The following COL21A1 variants were observed in gnomAD, a reference collection of about 807,000 sequenced individuals.
COL21A1 encodes the protein collagen alpha-1(XXI) chain.
COL21A1 carries 149 observed loss-of-function variants against 137.9 expected under a neutral mutation model. That is an observed-to-expected ratio of 1.08 (90% CI 0.95 to 1.24). The LOEUF is 1.24. COL21A1 is among the 50% of genes most tolerant of loss of function. The pLI, the probability that COL21A1 is intolerant of heterozygous loss-of-function variation, is 0.00. For synonymous variants in COL21A1, 456 were observed against 391.5 expected (o/e 1.16, Z -1.95); for missense variants, 1,167 against 1,158.4 (o/e 1.01, Z -0.11).
intron 1 of COL21A1, among the ~76,000 whole-genome samples, chr6:56,387,728 C>A (rs2094020884): frequency 6.6e-6 from 1 of 152,198 alleles, no homozygotes; most frequent in South Asian, 2.1e-4. Flanking sequence ...ATGGAGGGAG[C>A]ATTTAGATAA....
At chr6:56,211,313 G>T (rs1197333913) in intron 1 of COL21A1, among the ~76,000 whole-genome samples, 4 of 150,950 alleles carry the variant, frequency 2.6e-5, no homozygotes, top group Admixed American at 6.6e-5. Context: ...CAAGGAATTT[G>T]TATTCTGAAT....
At chr6:56,261,204 A>T (rs1763264973) in intron 1 of COL21A1, among the ~76,000 whole-genome samples, 1 of 151,812 alleles carries the variant, frequency 6.6e-6, no homozygotes, top group Non-Finnish European at 1.5e-5. Context: ...ACTCACTAGC[A>T]CAGCCCTGAG....
At chr6:56,058,006 T>G (rs1188671326) in intron 29 of COL21A1, among the ~76,000 whole-genome samples, 162 bp from the exon 30 acceptor site, 1 of 152,166 alleles carries the variant, frequency 6.6e-6, no homozygotes, top group Non-Finnish European at 1.5e-5. Flanking sequence ...TCTACATGTC[T>G]TCTGCTTTGA....
intron 17 of COL21A1, among the ~76,000 whole-genome samples, chr6:56,096,048 T>C (rs1769293875): frequency 1.3e-5 from 2 of 152,150 alleles, no homozygotes; most frequent in Admixed American, 1.3e-4. Context: ...GATTTCACCA[T>C]GTTTGCCAGG....
At chr6:56,098,536 T>A (rs866341839) in intron 17 of COL21A1, among the ~76,000 whole-genome samples, 2 of 23,578 alleles carry the variant, frequency 8.5e-5, no homozygotes, top group African/African-American at 2.3e-4. Flanking sequence ...TAAATATATA[T>A]ATAAATATAT....
At position 56,207,884 on chromosome 6, in the gene COL21A1, G is replaced by A. The variant is rs375463144; in HGVS notation, c.-38-25228C>T. Among the ~76,000 whole-genome samples the A allele has an allele frequency of 1.8e-4, 28 of 152,118 alleles. No homozygotes were observed. In the East Asian group the frequency reaches 2.3e-3, roughly 13 times the overall value. ...GAGATGCAAGGCTGATTCAACATAC[G>A]CAAATCAATAAACATAATCCATCAC... On this transcript the variant is annotated intron_variant, in intron 1 of 29. Coordinates refer to ENST00000244728, the MANE Select transcript of COL21A1 (RefSeq NM_030820.4).
At chr6:56,094,705 G>C (rs770942304) in intron 17 of COL21A1, among the ~76,000 whole-genome samples, 4 of 152,146 alleles carry the variant, frequency 2.6e-5, no homozygotes, top group African/African-American at 4.8e-5. Context: ...GCAGAGATTT[G>C]TTGCAAAGTA....
intron 22 of COL21A1, among the ~76,000 whole-genome samples, chr6:56,068,149 CTG>C (rs1351037756): frequency 6.6e-6 from 1 of 151,612 alleles, no homozygotes; most frequent in African/African-American, 2.4e-5. Flanking sequence ...GGGGACACTT[CTG>C]TCTCAGCTAG....
At chr6:56,285,805 C>T (rs1347171933) in intron 1 of COL21A1, among the ~76,000 whole-genome samples, 1 of 150,048 alleles carries the variant, frequency 6.7e-6, no homozygotes, top group Non-Finnish European at 1.5e-5. Context: ...CCTCATTAGC[C>T]CACCATCTCA....
Position 56,096,637 on chromosome 6 carries a change from C to A in COL21A1, c.1812+4835G>T, listed in dbSNP as rs9475559. ...ATTTCCTAATAAATTATAGTGCTAGCCATTAATTTTAATTCTGGGAGTTAG... is the reference window on the plus strand; with the variant it reads ...ATTTCCTAATAAATTATAGTGCTAGACATTAATTTTAATTCTGGGAGTTAG... On this transcript the variant is annotated intron_variant, in intron 17 of 29. Coordinates refer to ENST00000244728, the MANE Select transcript of COL21A1 (RefSeq NM_030820.4). Among the ~76,000 whole-genome samples, 9 of 152,164 alleles carry A rather than the reference C, an allele frequency of 5.9e-5. No individual in the cohort carries two copies. The East Asian group carries it at 1.5e-3, about 26-fold the overall frequency.
intron 3 of COL21A1, among the ~76,000 whole-genome samples, chr6:56,175,190 C>T (rs1337520347): frequency 1.3e-5 from 2 of 152,032 alleles, no homozygotes; most frequent in African/African-American, 4.8e-5. Context: ...TAACATCACA[C>T]TCAATGATAA....
chr6:56,328,938 C>CAAT (rs1260731512), intron 1 of COL21A1, among the ~76,000 whole-genome samples: 1 of 152,030 alleles, frequency 6.6e-6, no homozygotes, highest in Non-Finnish European at 1.5e-5. Context: ...GTCATCTGGA[C>CAAT]AATTCCAAAG....
At chr6:56,129,939 A>AATATATATATT (rs1773384649) in intron 12 of COL21A1, among the ~76,000 whole-genome samples, 1 of 147,900 alleles carries the variant, frequency 6.8e-6, no homozygotes, top group African/African-American at 2.5e-5. Flanking sequence ...CTACCTTTTG[A>AATATATATATT]ATATATATAT....
At chr6:56,178,047 GT>G (rs1777628077) in intron 3 of COL21A1, among the ~76,000 whole-genome samples, 1 of 152,088 alleles carries the variant, frequency 6.6e-6, no homozygotes, top group Non-Finnish European at 1.5e-5. Context: ...TCTTTCATGT[GT>G]AGTTAGAATC....
At chr6:56,317,306 A>C (rs1156439485) in intron 1 of COL21A1, among the ~76,000 whole-genome samples, 1 of 152,180 alleles carries the variant, frequency 6.6e-6, no homozygotes, top group Admixed American at 6.6e-5. Flanking sequence ...CACTTACTAC[A>C]TGCCTGGCAC....
At chr6:56,123,634 C>T (rs1484708813) in intron 16 of COL21A1, among the ~76,000 whole-genome samples, 1 of 152,136 alleles carries the variant, frequency 6.6e-6, no homozygotes, top group African/African-American at 2.4e-5. Context: ...TGAGTTTTTT[C>T]ATAGACAATG....
At chr6:56,340,281 G>T (rs1308351048) in intron 1 of COL21A1, among the ~76,000 whole-genome samples, 1 of 152,080 alleles carries the variant, frequency 6.6e-6, no homozygotes, top group Non-Finnish European at 1.5e-5. Context: ...TCTCCTTGAG[G>T]ACTACAGAGA....
At chr6:56,376,446 GTTT>G (rs11395018) in intron 1 of COL21A1, among the ~76,000 whole-genome samples, 1 of 146,296 alleles carries the variant, frequency 6.8e-6, no homozygotes, top group Non-Finnish European at 1.5e-5. Context: ...GGTAAAGAAA[GTTT>G]TTTTTTTTTT....
intron 1 of COL21A1, among the ~76,000 whole-genome samples, chr6:56,283,761 C>T (rs1022810599): frequency 6.6e-6 from 1 of 151,956 alleles, no homozygotes; most frequent in Non-Finnish European, 1.5e-5. Flanking sequence ...TTAAATAAAC[C>T]TTGTGAAAGA....
Sources: gnomAD v4.1 joint callset for allele counts (sites outside exome capture counted in the v4.1 genomes callset) on GRCh38, gnomAD v4.1.1 for gene constraint, MANE v1.5 for transcripts, NCBI Gene and HGNC (gene_info 2026-07-23, HGNC 2026-07-21) for gene names.